Variants in EBF1 observed in about 807,000 individuals in gnomAD.
EBF1 encodes the protein EBF transcription factor 1.
A neutral mutation model predicts 68.4 loss-of-function variants in EBF1; 10 were observed. The ratio of observed to expected loss-of-function variants is 0.15; its 90% confidence interval spans 0.09 to 0.25. The LOEUF (loss-of-function observed/expected upper bound fraction) is 0.25, where lower values mean the gene tolerates loss of function less well. EBF1 is among the 10% of genes least tolerant of loss of function. The pLI is 1.00. For missense variants in EBF1, 509 were observed against 794.4 expected, an observed-to-expected ratio of 0.64 and a Z score of 4.32; for synonymous variants, 298 against 299.8, an observed-to-expected ratio of 0.99 and a Z score of 0.06.
At chr5:159,066,839 T>C (rs1776893816) in intron 6 of EBF1, among the ~76,000 whole-genome samples, 2 of 152,230 alleles carry the variant, frequency 1.3e-5, no homozygotes, top group African/African-American at 4.8e-5. Flanking sequence ...ACCTGTACTG[T>C]TCACCATATT....
At chr5:158,787,347 C>T (rs1404384369) in intron 9 of EBF1, among the ~76,000 whole-genome samples, 1 of 152,162 alleles carries the variant, frequency 6.6e-6, no homozygotes, top group African/African-American at 2.4e-5. Context: ...AGCCTGTATC[C>T]AATAGCCTGC....
At chr5:158,919,433 T>C (rs1807916805) in intron 6 of EBF1, among the ~76,000 whole-genome samples, 1 of 152,078 alleles carries the variant, frequency 6.6e-6, no homozygotes, top group Admixed American at 6.6e-5. Flanking sequence ...TTTTAATCTA[T>C]AACATGGGAT....
At chr5:158,878,160 C>T (rs1373057390) in intron 6 of EBF1, among the ~76,000 whole-genome samples, 1 of 151,966 alleles carries the variant, frequency 6.6e-6, no homozygotes, top group Non-Finnish European at 1.5e-5. Flanking sequence ...TAATAAATCA[C>T]CTATGACTTT....
chr5:158,823,165 G>C lies in EBF1; in HGVS notation c.778+11C>G. On this transcript the variant is annotated intron_variant, in intron 8 of 15. Coordinates refer to ENST00000313708, the MANE Select transcript of EBF1 (RefSeq NM_024007.5). ...AGTAGCAATGCCAACCAATGAAAAT[G>C]ATTCGCCTACCATGTTCCAGATAAG... 1 of 1,613,858 alleles carries C rather than the reference G, an allele frequency of 6.2e-7. No individual in the cohort carries two copies. Among genetic ancestry groups the C allele is most frequent in the Non-Finnish European group, 8.5e-7 (1 of 1,179,824 alleles).
chr5:158,834,507 T>TA (rs72321019), intron 7 of EBF1, among the ~76,000 whole-genome samples: 5,480 of 144,476 alleles, frequency 0.038, 291 homozygotes, highest in African/African-American at 0.12. Flanking sequence ...CATTGTAAAT[T>TA]AAAAAAAAAA....
At chr5:158,783,971 G>C (rs1436207506) in intron 9 of EBF1, among the ~76,000 whole-genome samples, 6 of 152,164 alleles carry the variant, frequency 3.9e-5, no homozygotes, top group Non-Finnish European at 5.9e-5. Flanking sequence ...AGGTAAATGA[G>C]AGTATCTAGT....
At chr5:159,054,880 G>A (rs1584299995) in intron 6 of EBF1, among the ~76,000 whole-genome samples, 2 of 152,138 alleles carry the variant, frequency 1.3e-5, no homozygotes, top group South Asian at 2.1e-4. Flanking sequence ...GTTGGTCCAC[G>A]TGCCTCACAT....
At chr5:158,770,058 T>C (rs147945648) in intron 10 of EBF1, among the ~76,000 whole-genome samples, 1,650 of 152,274 alleles carry the variant, frequency 0.011, 15 homozygotes, top group Non-Finnish European at 0.017. Flanking sequence ...CTTGTCTTTA[T>C]AACAATTAAC....
At chr5:158,768,870 G>A (rs1297319732) in intron 10 of EBF1, among the ~76,000 whole-genome samples, 2 of 152,146 alleles carry the variant, frequency 1.3e-5, no homozygotes, top group Non-Finnish European at 2.9e-5. Flanking sequence ...TTTAAAAAAA[G>A]TGAAAACTTG....
At chr5:158,833,642 T>A (rs865822315) in intron 7 of EBF1, among the ~76,000 whole-genome samples, 2 of 152,280 alleles carry the variant, frequency 1.3e-5, no homozygotes, top group East Asian at 1.9e-4. Flanking sequence ...GAGGACTGGA[T>A]AAAGACAGCA....
intron 6 of EBF1, chr5:158,986,086 G>A (rs1193304807): frequency 6.6e-6 from 1 of 152,344 alleles, no homozygotes; most frequent in Non-Finnish European, 1.5e-5. Flanking sequence ...GGGTGGAGCG[G>A]GGAGTTGTGT....
intron 6 of EBF1, among the ~76,000 whole-genome samples, chr5:158,883,080 G>A (rs1354385464): frequency 6.6e-6 from 1 of 151,868 alleles, no homozygotes; most frequent in Non-Finnish European, 1.5e-5. Context: ...GATCCTATCA[G>A]TCTTTTTTCT....
chr5:158,824,378 C>T (rs530378786), intron 7 of EBF1, among the ~76,000 whole-genome samples: 3 of 152,306 alleles, frequency 2.0e-5, no homozygotes, highest in Non-Finnish European at 2.9e-5. Context: ...GATTGATCAC[C>T]GATAGATTGA....
intron 6 of EBF1, among the ~76,000 whole-genome samples, chr5:159,061,653 GCT>G (rs1215452856): frequency 6.6e-6 from 1 of 152,144 alleles, no homozygotes; most frequent in Non-Finnish European, 1.5e-5. Context: ...CCAGTGTCCG[GCT>G]CGGAAGCCGA....
At chr5:158,939,007 T>C (rs1172654317) in intron 6 of EBF1, among the ~76,000 whole-genome samples, 1 of 152,196 alleles carries the variant, frequency 6.6e-6, no homozygotes, top group East Asian at 1.9e-4. Context: ...GGTCCAACTT[T>C]CCCACCAGTC....
chr5:158,722,395 C>T (rs1762108335), intron 11 of EBF1, among the ~76,000 whole-genome samples: 1 of 152,172 alleles, frequency 6.6e-6, no homozygotes, highest in Non-Finnish European at 1.5e-5. Flanking sequence ...TTTCCCTCAG[C>T]CAAGGCTGAA....
At chr5:159,076,579 A>G (rs1314312351) in intron 5 of EBF1, among the ~76,000 whole-genome samples, 1 of 152,218 alleles carries the variant, frequency 6.6e-6, no homozygotes, top group Non-Finnish European at 1.5e-5. Context: ...GGGAGAATGA[A>G]GAAAAGTAGA....
chr5:158,700,350 G>A (rs761246639), intron 15 of EBF1, among the ~76,000 whole-genome samples: 2 of 152,242 alleles, frequency 1.3e-5, no homozygotes, highest in Admixed American at 6.5e-5. Context: ...AGGGGCAGCC[G>A]TCTTTGGCTC....
chr5:158,943,699 A>C (rs1257980488), intron 6 of EBF1, among the ~76,000 whole-genome samples: 1 of 152,182 alleles, frequency 6.6e-6, no homozygotes, highest in Non-Finnish European at 1.5e-5. Flanking sequence ...ATTCCTGGGA[A>C]AACTGTGAAC....
Sources: allele counts gnomAD v4.1 joint callset (sites outside exome capture counted in the v4.1 genomes callset), GRCh38; gene constraint gnomAD v4.1.1; transcripts MANE v1.5; gene names NCBI Gene and HGNC (gene_info 2026-07-23, HGNC 2026-07-21).